RPA3: variants seen among roughly 807,000 people sequenced by gnomAD.
RPA3 encodes replication protein A 14 kDa subunit.
Under a neutral mutation model 13.7 loss-of-function variants are expected in RPA3, and 24 were observed. The observed-to-expected ratio is 1.75, with a 90% CI of 1.27 to 2.46. The LOEUF is 2.46. Ranked by LOEUF, RPA3 falls within the 30% of genes most tolerant of loss-of-function variation. The pLI, the probability that RPA3 is intolerant of heterozygous loss-of-function variation, is 0.00. For missense variants in RPA3, 183 were observed against 151.0 expected (o/e 1.21, Z -1.11); for synonymous variants, 59 against 51.2 (o/e 1.15, Z -0.65).
chr7:7,713,418 A>G (rs1176968210), intron 2 of RPA3, among the ~76,000 whole-genome samples: 2 of 149,972 alleles, frequency 1.3e-5, no homozygotes, highest in Non-Finnish European at 3.0e-5. Flanking sequence ...TTTTTAAATG[A>G]TATCTTCTTA....
intron 4 of RPA3, among the ~76,000 whole-genome samples, chr7:7,650,332 C>T (rs1035502109): frequency 1.7e-4 from 26 of 152,146 alleles, no homozygotes; most frequent in Admixed American, 2.6e-4. Context: ...GTTTGTTTTT[C>T]TGAGTGTTTA....
chr7:7,645,877 A>G (rs1785082241), intron 4 of RPA3, among the ~76,000 whole-genome samples: 2 of 148,322 alleles, frequency 1.3e-5, no homozygotes, highest in Non-Finnish European at 1.5e-5. Flanking sequence ...CCTTTTTTGT[A>G]TAGTCCTTGT....
At chr7:7,680,394 C>A (rs1442105781) in intron 4 of RPA3, among the ~76,000 whole-genome samples, 2 of 152,060 alleles carry the variant, frequency 1.3e-5, no homozygotes, top group African/African-American at 4.8e-5. Flanking sequence ...TTCCATTCGT[C>A]CATGTGTCTG....
Position 7,643,322 on chromosome 7 carries a change from C to A in RPA3, c.-757-2147G>T, listed in dbSNP as rs574158378. ...GCCTCAGATGGGCGTGCATGTAACT[C>A]CCTAAAAACACTTCCCAAGGCTAAG... On this transcript the variant is annotated intron_variant, in intron 4 of 7. Coordinates refer to ENST00000223129, the MANE Select transcript of RPA3 (RefSeq NM_002947.5). Among the ~76,000 whole-genome samples, 4 of 152,308 alleles carry A rather than the reference C, an allele frequency of 2.6e-5. 1 individual carries two copies. The highest frequency in any genetic ancestry group is 9.6e-5 in the African/African-American group (4 of 41,558).
rs28916298 is a variant in RPA3, at chr7:7,640,214, G to T, written c.99+106C>A. The T allele has an allele frequency of 6.7e-5, 79 of 1,181,544 alleles. No homozygotes were observed. The African/African-American group carries it at 1.0e-3, about 15-fold the overall frequency. The allele number at this position is 1,181,544 out of a possible 1,614,324, so 73.2% of individuals were successfully genotyped here. On this transcript the variant is annotated intron_variant, in intron 5 of 7. Transcript: ENST00000223129. ...CCTTGTGCAAAATAAAGGAGTCGGG[G>T]GCGCAGTGATCGGAGGCTTTCCGTC...
rs996970047 is a variant in RPA3 at position 7,687,270 on chromosome 7, T to C, written c.-969A>G. The C allele has an allele frequency of 2.0e-5, 3 of 152,188 alleles. No homozygotes were observed. The highest frequency in any genetic ancestry group is 4.8e-5 in the African/African-American group (2 of 41,434). The allele number at this position is 152,188 out of a possible 1,614,324, so 9.4% of individuals were successfully genotyped here. ...CCTTTTGTGTGAAATGTTAATGATATCATGGTGTCTTCATTACATTGTTGC... is the reference window on the plus strand; with the variant it reads ...CCTTTTGTGTGAAATGTTAATGATACCATGGTGTCTTCATTACATTGTTGC... On this transcript the variant is annotated 5_prime_UTR_variant, in exon 3 of 8. An upstream open reading frame in the 5' UTR loses its in-frame stop. Coordinates refer to ENST00000223129, the MANE Select transcript of RPA3 (RefSeq NM_002947.5).
In RPA3 at chr7:7,641,124, G is replaced by C. The variant is rs1195533893; in HGVS notation, c.-706C>G. The C allele has an allele frequency of 6.6e-6, 1 of 152,396 alleles. No homozygotes were observed. Among genetic ancestry groups the C allele is most frequent in the African/African-American group, 2.4e-5 (1 of 41,414 alleles). 9.4% of individuals were successfully genotyped at this position (152,396 alleles called of 1,614,324 possible). On this transcript the variant is annotated 5_prime_UTR_variant, in exon 5 of 8. Coordinates refer to ENST00000223129, the MANE Select transcript of RPA3 (RefSeq NM_002947.5). ...CAGGCTTTTGCCACTTGTTGGCTGAGGGTCGATTTACTCCCTTAGCTGCGT... is the reference window on the plus strand; with the variant it reads ...CAGGCTTTTGCCACTTGTTGGCTGACGGTCGATTTACTCCCTTAGCTGCGT...
intron 2 of RPA3, among the ~76,000 whole-genome samples, chr7:7,697,425 T>C (rs1269934542): frequency 6.6e-6 from 1 of 152,228 alleles, no homozygotes; most frequent in Non-Finnish European, 1.5e-5. Context: ...TCCTGTAAGT[T>C]ATTTTCTTAA....
At chr7:7,652,558 C>T (rs978843550) in intron 4 of RPA3, among the ~76,000 whole-genome samples, 15 of 152,102 alleles carry the variant, frequency 9.9e-5, no homozygotes, top group Non-Finnish European at 1.6e-4. Context: ...GGACTTAGCA[C>T]CTTGCTTTGT....
At chr7:7,712,252 C>G (rs917725674) in intron 2 of RPA3, among the ~76,000 whole-genome samples, 6 of 152,092 alleles carry the variant, frequency 3.9e-5, no homozygotes, top group African/African-American at 1.2e-4. Context: ...AACCTACCCA[C>G]TCTGATGTGA....
In RPA3 at chr7:7,654,424, C is replaced by G. The variant is rs147356371; in HGVS notation, c.-757-13249G>C. 3.5e-3 allele frequency among the ~76,000 whole-genome samples: 527 copies of G among 152,312 alleles called. 4 individuals are homozygous for G. Among genetic ancestry groups the G allele is most frequent in the African/African-American group, 0.012 (499 of 41,566 alleles). On this transcript the variant is annotated intron_variant, in intron 4 of 7. Coordinates refer to ENST00000223129, the MANE Select transcript of RPA3 (RefSeq NM_002947.5). ...GATATGGGAAGTGATTCTGTAGAGA[C>G]AGTACAGTTATCCTTCGGTATCCCT...
intron 4 of RPA3, among the ~76,000 whole-genome samples, chr7:7,658,389 A>G (rs1785395876): frequency 1.3e-5 from 2 of 152,228 alleles, no homozygotes; most frequent in South Asian, 4.1e-4. Flanking sequence ...GCCTTGTGCC[A>G]GTTTTCAAAG....
chr7:7,681,305 A>C (rs1196010096), intron 4 of RPA3, among the ~76,000 whole-genome samples: 5 of 152,130 alleles, frequency 3.3e-5, no homozygotes, highest in Non-Finnish European at 7.4e-5. Flanking sequence ...TTAGGTCACA[A>C]TTATTAGATG....
intron 4 of RPA3, among the ~76,000 whole-genome samples, chr7:7,674,836 C>T (rs1237111230): frequency 6.6e-6 from 1 of 152,082 alleles, no homozygotes; most frequent in Admixed American, 6.5e-5. Context: ...GTACATCAGG[C>T]CTCCTGTGAA....
At chr7:7,665,206 A>G (rs1779410821) in intron 4 of RPA3, among the ~76,000 whole-genome samples, 1 of 152,164 alleles carries the variant, frequency 6.6e-6, no homozygotes, top group Non-Finnish European at 1.5e-5. Context: ...ATATTACTTA[A>G]AAGGGAAGCC....
chr7:7,656,416 A>G (rs1223092705), intron 4 of RPA3, among the ~76,000 whole-genome samples: 1 of 152,132 alleles, frequency 6.6e-6, no homozygotes, highest in Admixed American at 6.5e-5. Flanking sequence ...TGCTGCATCC[A>G]TCAATCTGTC....
At chr7:7,650,960 C>T (rs924234414) in intron 4 of RPA3, among the ~76,000 whole-genome samples, 2 of 152,096 alleles carry the variant, frequency 1.3e-5, no homozygotes, top group African/African-American at 4.8e-5. Context: ...ACTCAGGAAC[C>T]AGCAGAATCC....
At chr7:7,669,496 A>C (rs1315079855) in intron 4 of RPA3, among the ~76,000 whole-genome samples, 1 of 152,204 alleles carries the variant, frequency 6.6e-6, no homozygotes, top group East Asian at 1.9e-4. Flanking sequence ...GATTAAGATA[A>C]GCTGATGGCA....
rs140207827 is a variant in RPA3 at position 7,639,833 on chromosome 7, C to T, written c.99+487G>A. The T allele has an allele frequency of 4.3e-3, 715 of 167,392 alleles. 10 individuals are homozygous for T. Among genetic ancestry groups the T allele is most frequent in the Middle Eastern group, 0.015 (5 of 340 alleles). The allele number at this position is 167,392 out of a possible 1,614,324, so 10.4% of individuals were successfully genotyped here. A position where few individuals can be genotyped will look rare whatever the true frequency, so the allele number is the denominator to read the frequency against. ...GTTTCTCGCCTGTAGAATGAGGGAA[C>T]TTCACTTTAATACTGGGGTTAAATA... On this transcript the variant is annotated intron_variant, in intron 5 of 7. Transcript: ENST00000223129.
Sources: allele counts gnomAD v4.1 joint callset (sites outside exome capture counted in the v4.1 genomes callset), GRCh38; gene constraint gnomAD v4.1.1; transcripts MANE v1.5; gene names NCBI Gene and HGNC (gene_info 2026-07-23, HGNC 2026-07-21).